The following GDAP1L1 variants were observed in gnomAD, a reference collection of about 807,000 sequenced individuals.
GDAP1L1 encodes ganglioside-induced differentiation-associated protein 1-like 1.
Under a neutral mutation model 37.1 loss-of-function variants are expected in GDAP1L1, and 21 were observed. The ratio of observed to expected loss-of-function variants is 0.57; its 90% CI spans 0.40 to 0.81. The LOEUF (loss-of-function observed/expected upper bound fraction) is 0.81, where lower values mean the gene tolerates loss of function less well. Ranked by LOEUF, GDAP1L1 falls within the 40% of genes least tolerant of loss-of-function variation. The pLI, the probability that GDAP1L1 is intolerant of heterozygous loss-of-function variation, is 0.00. For missense variants in GDAP1L1, 362 were observed against 491.6 expected, an observed-to-expected ratio of 0.74 and a Z score of 2.49; for synonymous variants, 193 against 209.1, an observed-to-expected ratio of 0.92 and a Z score of 0.67.
In GDAP1L1 at chr20:44,257,345, G is replaced by A. The variant is rs755830310; in HGVS notation, c.373G>A (p.Glu125Lys). 6.2e-7 allele frequency: 1 copy of A among 1,611,708 alleles called. No individual in the cohort carries two copies. Among genetic ancestry groups the A allele is most frequent in the Non-Finnish European group, 8.5e-7 (1 of 1,178,472 alleles). The change falls in exon 2 of 6, where the codon GAG becomes AAG. Residue 125 changes from glutamate to lysine, a missense_variant and splice_region_variant. Physicochemically the swap from Glu to Lys is moderately conservative, Grantham distance 56. This residue lies in a region of GDAP1L1 where 277 missense variants were observed against 337.1 expected (regional missense o/e 0.82). Transcript: ENST00000342560. ...CTATGTGGAGCGCACCTTCACAGGA[G>A]GTACGGCTGCCTCCCCACCCAGGGG... ...IDYVERTFTGEHVVALMPEVG... is the reference protein window; with the variant it reads ...IDYVERTFTGKHVVALMPEVG...
intron 2 of GDAP1L1, chr20:44,258,038 G>T: frequency 1.5e-6 from 1 of 651,060 alleles, no homozygotes. Flanking sequence ...CCATTGCATA[G>T]GCTCAGACAC....
intron 5 of GDAP1L1, chr20:44,265,326 G>T (rs2073745146): frequency 1.0e-6 from 1 of 985,260 alleles, no homozygotes; most frequent in Non-Finnish European, 1.2e-6. Context: ...ACTCCATTTT[G>T]CCTGTTGCAC....
chr20:44,258,349 T>C (rs1442622001), intron 2 of GDAP1L1, 85 bp from the exon 3 acceptor site: 2 of 1,335,232 alleles, frequency 1.5e-6, no homozygotes, highest in Non-Finnish European at 2.1e-6. Context: ...GGCAGAGACA[T>C]CTTGGGGCTC....
chr20:44,274,843 C>G (rs1314387698), intron 5 of GDAP1L1, among the ~76,000 whole-genome samples: 2 of 152,170 alleles, frequency 1.3e-5, no homozygotes. Flanking sequence ...TCACTAACTC[C>G]CAACTCATTA....
chr20:44,260,624 G>A (rs751008892), intron 3 of GDAP1L1, among the ~76,000 whole-genome samples: 20 of 152,134 alleles, frequency 1.3e-4, no homozygotes, highest in Non-Finnish European at 2.5e-4. Flanking sequence ...CCCAGCCTCC[G>A]GGGCCACAGA....
At position 44,278,998 on chromosome 20, in the gene GDAP1L1, C is replaced by G. The variant is rs2062613588; in HGVS notation, c.802C>G (p.Leu268Val). Residue 268 changes from leucine to valine, a missense_variant, in exon 6 of 6, where the codon CTC becomes GTC. Physicochemically the swap from Leu to Val is conservative, Grantham distance 32. Coordinates refer to ENST00000342560, the MANE Select transcript of GDAP1L1 (RefSeq NM_024034.6). ...GTGGCTCTGTGGCTGTGCCTTCACC[C>G]TCGCTGATGTCCTCCTGGGAGCCAC... ...ELWLCGCAFT[L>V]ADVLLGATLH... 6.2e-7 allele frequency: 1 copy of G among 1,613,900 alleles called. No homozygotes were observed. The highest frequency in any genetic ancestry group is 1.3e-5 in the African/African-American group (1 of 74,916).
chr20:44,269,616 G>T (rs865866855), intron 5 of GDAP1L1, among the ~76,000 whole-genome samples: 1 of 152,196 alleles, frequency 6.6e-6, no homozygotes, highest in Admixed American at 6.5e-5. Context: ...ATGAGGGTTG[G>T]GAGTGAGGTA....
intron 5 of GDAP1L1, among the ~76,000 whole-genome samples, chr20:44,267,820 A>G (rs12481690): frequency 0.31 from 47,743 of 152,062 alleles, 8,418 homozygotes; most frequent in East Asian, 0.5. Flanking sequence ...GAATAGCCTC[A>G]GACATGCATT....
At chr20:44,270,621 C>T (rs1174938012) in intron 5 of GDAP1L1, among the ~76,000 whole-genome samples, 1 of 152,208 alleles carries the variant, frequency 6.6e-6, no homozygotes. Context: ...GAAGGCTTGA[C>T]TGGGGCCGGA....
intron 5 of GDAP1L1, among the ~76,000 whole-genome samples, chr20:44,277,780 A>G (rs2146066091): frequency 6.6e-6 from 1 of 152,354 alleles, no homozygotes; most frequent in South Asian, 2.1e-4. Context: ...AGGCAGTATC[A>G]GATTCTGGAA....
In GDAP1L1 at chr20:44,279,318, G is replaced by C. The variant is rs758234465; in HGVS notation, c.*18G>C. Reference sequence around the variant, plus strand: ...ACATCTAGGGCCAGGCCTGGGGCTTGGTGTCTGACTGTCGGTGTCTCTGTG... The same window carrying C: ...ACATCTAGGGCCAGGCCTGGGGCTTCGTGTCTGACTGTCGGTGTCTCTGTG... On this transcript the variant is annotated 3_prime_UTR_variant, in exon 6 of 6. Transcript: ENST00000342560. 3 of 1,498,054 alleles carry C rather than the reference G, an allele frequency of 2.0e-6. No homozygotes were observed. The East Asian group carries it at 6.8e-5, about 34-fold the overall frequency. 92.8% of individuals were successfully genotyped at this position (1,498,054 alleles called of 1,614,324 possible).
At chr20:44,251,108 C>G (rs1373996607) in intron 1 of GDAP1L1, among the ~76,000 whole-genome samples, 4 of 152,234 alleles carry the variant, frequency 2.6e-5, no homozygotes, top group Admixed American at 2.6e-4. Flanking sequence ...CTTACAATCT[C>G]TGTGCCTGCT....
chr20:44,273,542 A>G (rs2062542369), intron 5 of GDAP1L1, among the ~76,000 whole-genome samples: 2 of 152,236 alleles, frequency 1.3e-5, no homozygotes, highest in African/African-American at 4.8e-5. Flanking sequence ...GTGCCTGCAC[A>G]TTCAACTCCC....
chr20:44,248,869 G>T (rs2073385677), intron 1 of GDAP1L1, among the ~76,000 whole-genome samples: 1 of 152,206 alleles, frequency 6.6e-6, no homozygotes, highest in Non-Finnish European at 1.5e-5. Flanking sequence ...GCTGTGGACA[G>T]GTCCCTTTGC....
chr20:44,252,229 C>T (rs900410904), intron 1 of GDAP1L1, among the ~76,000 whole-genome samples: 3 of 152,224 alleles, frequency 2.0e-5, no homozygotes, highest in Non-Finnish European at 4.4e-5. Context: ...GTGCACAACC[C>T]GGCCAGGCGT....
intron 5 of GDAP1L1, among the ~76,000 whole-genome samples, chr20:44,266,383 G>A (rs560941573): frequency 6.6e-6 from 1 of 151,828 alleles, no homozygotes; most frequent in Admixed American, 6.6e-5. Flanking sequence ...CTGTTGCAGA[G>A]TTAATGGCTC....
chr20:44,274,773 T>G (rs2062556111), intron 5 of GDAP1L1, among the ~76,000 whole-genome samples: 1 of 152,184 alleles, frequency 6.6e-6, no homozygotes, highest in African/African-American at 2.4e-5. Flanking sequence ...TACTGTCCAC[T>G]CTCCTGGCTT....
At chr20:44,265,061 G>T (rs148867469) in intron 5 of GDAP1L1, 1 of 985,134 alleles carries the variant, frequency 1.0e-6, no homozygotes, top group South Asian at 4.7e-5. Flanking sequence ...CTGAATACTC[G>T]GTTGCTCCCC....
chr20:44,277,559 T>C (rs2062596737), intron 5 of GDAP1L1, among the ~76,000 whole-genome samples: 1 of 152,140 alleles, frequency 6.6e-6, no homozygotes, highest in Non-Finnish European at 1.5e-5. Flanking sequence ...GGGTTTCCGC[T>C]TTTACTCTGG....
Sources: allele counts gnomAD v4.1 joint callset (sites outside exome capture counted in the v4.1 genomes callset), GRCh38; gene constraint gnomAD v4.1.1; regional missense constraint gnomAD v4.1.1; transcripts MANE v1.5; gene names NCBI Gene and HGNC (gene_info 2026-07-23, HGNC 2026-07-21).